The following TOX4 variants were observed in gnomAD, a reference collection of about 807,000 sequenced individuals.
TOX4 encodes the protein epidermal Langerhans cell protein LCP1.
A neutral mutation model predicts 61.0 loss-of-function variants in TOX4; 12 were observed. That is an observed-to-expected ratio of 0.20 (90% confidence interval 0.13 to 0.32). The LOEUF is 0.32. Ranked by LOEUF, TOX4 falls within the 10% of genes least tolerant of loss-of-function variation. The pLI is 1.00. For synonymous variants in TOX4, 268 were observed against 274.8 expected (o/e 0.98, Z 0.24); for missense variants, 499 against 753.3 (o/e 0.66, Z 3.95).
In TOX4 at chr14:21,498,771, C is replaced by T. The variant is rs1224532255; in HGVS notation, c.*2165C>T. The T allele has an allele frequency of 4.0e-6, 2 of 497,532 alleles. No individual in the cohort carries two copies. Among genetic ancestry groups the T allele is most frequent in the Non-Finnish European group, 7.2e-6 (2 of 279,330 alleles). The allele number at this position is 497,532 out of a possible 1,614,324, so 30.8% of individuals were successfully genotyped here. ...GCAGATTCAATACATCACAGAATGG[C>T]TGAGGAAGATCCTTGGGTTGTGAAG... On this transcript the variant is annotated 3_prime_UTR_variant, in exon 9 of 9. Coordinates refer to ENST00000448790, the MANE Select transcript of TOX4 (RefSeq NM_014828.4).
At chr14:21,486,535 A>AAGGTTTTGTACCC (rs1158890997) in intron 2 of TOX4, among the ~76,000 whole-genome samples, 2 of 152,172 alleles carry the variant, frequency 1.3e-5, no homozygotes, top group Non-Finnish European at 2.9e-5. Context: ...AAACTTGTTC[A>AAGGTTTTGTACCC]AGGTCTTGTA....
chr14:21,479,917 A>G (rs528919834), intron 2 of TOX4, among the ~76,000 whole-genome samples: 12 of 152,250 alleles, frequency 7.9e-5, no homozygotes, highest in African/African-American at 2.9e-4. Flanking sequence ...AAGTTTACCC[A>G]CTGTTCTTAA....
At chr14:21,490,521 A>G (rs1260361488) in intron 5 of TOX4, among the ~76,000 whole-genome samples, 1 of 152,162 alleles carries the variant, frequency 6.6e-6, no homozygotes, top group Non-Finnish European at 1.5e-5. Flanking sequence ...CTTTACAATA[A>G]CTCTCAAAAA....
intron 2 of TOX4, among the ~76,000 whole-genome samples, chr14:21,480,416 C>A (rs1482870795): frequency 6.6e-6 from 1 of 152,108 alleles, no homozygotes; most frequent in Non-Finnish European, 1.5e-5. Context: ...ACTTCTACAC[C>A]TTCCCTTTCC....
intron 2 of TOX4, among the ~76,000 whole-genome samples, chr14:21,486,711 ATG>A (rs1416215039): frequency 6.6e-6 from 1 of 152,166 alleles, no homozygotes; most frequent in East Asian, 1.9e-4. Context: ...AAAAGAAAGA[ATG>A]TGTTATTATT....
At chr14:21,489,979 C>T (rs529670863) in intron 5 of TOX4, among the ~76,000 whole-genome samples, 4 of 151,062 alleles carry the variant, frequency 2.6e-5, no homozygotes, top group East Asian at 2.0e-4. Context: ...CCCATGAGTT[C>T]GAGACCATCC....
chr14:21,490,579 A>G (rs1237601621), intron 5 of TOX4, among the ~76,000 whole-genome samples: 4 of 152,240 alleles, frequency 2.6e-5, no homozygotes. Context: ...CCCACTGCCC[A>G]GTTAAGGTCA....
chr14:21,498,134 A>G lies in TOX4; in HGVS notation c.*1528A>G, dbSNP rs1225750084. 3.1e-6 allele frequency: 2 copies of G among 649,288 alleles called. No homozygotes were observed. Among genetic ancestry groups the G allele is most frequent in the Non-Finnish European group, 5.4e-6 (2 of 373,316 alleles). 40.2% of individuals were successfully genotyped at this position (649,288 alleles called of 1,614,324 possible). ...AAGTAGCAGAGCCAGAATGGACTTC[A>G]GAATCCCAACTACAATACAAATGTT... On this transcript the variant is annotated 3_prime_UTR_variant, in exon 9 of 9. Transcript: ENST00000448790.
At chr14:21,494,733 G>C (rs1891363320) in intron 7 of TOX4, among the ~76,000 whole-genome samples, 1 of 144,200 alleles carries the variant, frequency 6.9e-6, no homozygotes, top group Non-Finnish European at 1.5e-5. Flanking sequence ...CTGGGAGACA[G>C]AGAGAGACTC....
At chr14:21,482,663 T>C in intron 2 of TOX4, 2 of 443,786 alleles carry the variant, frequency 4.5e-6, no homozygotes, top group Non-Finnish European at 9.2e-6. Flanking sequence ...AACCACTTCT[T>C]TTTAATATTT....
rs751674694 is a variant in TOX4, at chr14:21,477,241, C to T, written c.-38C>T. On this transcript the variant is annotated 5_prime_UTR_variant, in exon 1 of 9. Coordinates refer to ENST00000448790, the MANE Select transcript of TOX4 (RefSeq NM_014828.4). The stretch of plus-strand genomic sequence containing the variant: ...CCGAGTCCAGTGGGGGCGGTGGGAG[C>T]GATGAGGGTCTGAGACGGTGGGAGC... The T allele has an allele frequency of 1.9e-6, 3 of 1,613,790 alleles. No individual in the cohort carries two copies. Among genetic ancestry groups the T allele is most frequent in the Non-Finnish European group, 2.5e-6 (3 of 1,179,856 alleles).
intron 6 of TOX4, 48 bp from the exon 7 acceptor site, chr14:21,492,460 C>A (rs1566484600): frequency 1.2e-6 from 2 of 1,610,692 alleles, no homozygotes; most frequent in Non-Finnish European, 8.5e-7. Context: ...GAAGTAAATA[C>A]CACCAAGTGA....
intron 2 of TOX4, among the ~76,000 whole-genome samples, chr14:21,487,032 G>C (rs1648076807): frequency 6.6e-6 from 1 of 152,172 alleles, no homozygotes; most frequent in Non-Finnish European, 1.5e-5. Context: ...GAATTTCTGT[G>C]ACCTAACAGT....
chr14:21,498,947 T>C lies in TOX4; in HGVS notation c.*2341T>C, dbSNP rs1461249600. 3.5e-5 allele frequency: 34 copies of C among 964,796 alleles called. No homozygotes were observed. The highest frequency in any genetic ancestry group is 5.5e-5 in the Admixed American group (3 of 54,386). 59.8% of individuals were successfully genotyped at this position (964,796 alleles called of 1,614,324 possible). A position where few individuals can be genotyped will look rare whatever the true frequency, so the allele number is the denominator to read the frequency against. Reference sequence around the variant, plus strand: ...TCATTTATGGACTAGTGTAAAACAATGTGAAGCTCTACTAAGTTCTGTCCT... The same window carrying C: ...TCATTTATGGACTAGTGTAAAACAACGTGAAGCTCTACTAAGTTCTGTCCT... On this transcript the variant is annotated 3_prime_UTR_variant, in exon 9 of 9. Transcript: ENST00000448790.
At position 21,496,800 on chromosome 14, in the gene TOX4, A is replaced by G. The variant is rs1891413155; in HGVS notation, c.*194A>G. 1 of 559,282 alleles carries G rather than the reference A, an allele frequency of 1.8e-6. No individual in the cohort carries two copies. Among genetic ancestry groups the G allele is most frequent in the South Asian group, 2.1e-5 (1 of 47,304 alleles). 34.6% of individuals were successfully genotyped at this position (559,282 alleles called of 1,614,324 possible). ...CCACTGAATTTGCTGTAATCTGGAG[A>G]TGCTTTTTACTTTCAACCATAAGCG... On this transcript the variant is annotated 3_prime_UTR_variant, in exon 9 of 9. Transcript: ENST00000448790.
chr14:21,477,525 G>A lies in TOX4; in HGVS notation c.36G>A (p.Thr12=), dbSNP rs766127148. Residue 12 remains threonine (T), a synonymous_variant, in exon 2 of 9, where the codon ACG becomes ACA. Transcript: ENST00000448790. ...EFPGGNDNYL[T]ITGPSHPFLS... ...CCGGAGGAAATGACAATTACCTGAC[G>A]ATCACAGGGCCTTCGCACCCCTTCC... is the stretch of plus-strand genomic sequence containing the variant. 3 of 1,613,664 alleles carry A rather than the reference G, an allele frequency of 1.9e-6. No individual in the cohort carries two copies. Among genetic ancestry groups the A allele is most frequent in the Admixed American group, 1.7e-5 (1 of 60,006 alleles).
Position 21,498,400 on chromosome 14 carries a change from G to C in TOX4, c.*1794G>C. 4 of 1,608,112 alleles carry C rather than the reference G, an allele frequency of 2.5e-6. No individual in the cohort carries two copies. The highest frequency in any genetic ancestry group is 3.4e-6 in the Non-Finnish European group (4 of 1,175,642). On this transcript the variant is annotated 3_prime_UTR_variant, in exon 9 of 9. Coordinates refer to ENST00000448790, the MANE Select transcript of TOX4 (RefSeq NM_014828.4). ...ACAGTGTAAAAGGAGGGGCAAACCA[G>C]AAATCCTGGAATTAGAGGGTTTAAT... is the stretch of plus-strand genomic sequence containing the variant.
At chr14:21,483,026 C>T (rs1891133940) in intron 2 of TOX4, among the ~76,000 whole-genome samples, 2 of 152,138 alleles carry the variant, frequency 1.3e-5, no homozygotes, top group South Asian at 2.1e-4. Flanking sequence ...CCTTGTCGAT[C>T]CTACATAATG....
chr14:21,479,002 C>T (rs990754227), intron 2 of TOX4, among the ~76,000 whole-genome samples: 13 of 74,334 alleles, frequency 1.7e-4, no homozygotes, highest in Admixed American at 1.5e-3. Context: ...TTTGTAGAGA[C>T]GGGGTTTCAC....
Sources: gnomAD v4.1 joint callset for allele counts (sites outside exome capture counted in the v4.1 genomes callset) on GRCh38, gnomAD v4.1.1 for gene constraint, MANE v1.5 for transcripts, NCBI Gene and HGNC (gene_info 2026-07-23, HGNC 2026-07-21) for gene names.